The following VMP1 variants were observed in gnomAD, a reference collection of about 807,000 sequenced individuals.
VMP1 encodes vacuole membrane protein 1.
In VMP1, 11 loss-of-function variants were observed where a neutral mutation model predicts 56.0. The observed-to-expected ratio is 0.20, with a 90% CI of 0.12 to 0.32. VMP1 has a LOEUF of 0.32. Among genes scored for constraint, VMP1 ranks in the 10% least tolerant of loss-of-function variants. The pLI is 1.00. For synonymous variants in VMP1, 149 were observed against 165.0 expected (o/e 0.90, Z 0.74); for missense variants, 296 against 490.3 (o/e 0.60, Z 3.74).
At position 59,738,832 on chromosome 17, in the gene VMP1, T is replaced by C; in HGVS notation, c.304-5T>C. ...CACGGTTTTCACCTCATCCCTTTTT[T>C]TCAGTATGTGCAACGTATAGAGAAA... is the stretch of plus-strand genomic sequence containing the variant. On this transcript the variant is annotated splice_region_variant and splice_polypyrimidine_tract_variant and intron_variant, in intron 4 of 11. Transcript: ENST00000262291. The C allele has an allele frequency of 6.2e-7, 1 of 1,604,962 alleles. No homozygotes were observed. Among genetic ancestry groups the C allele is most frequent in the South Asian group, 1.1e-5 (1 of 90,062 alleles).
intron 10 of VMP1, among the ~76,000 whole-genome samples, chr17:59,823,421 A>T (rs1174975885): frequency 6.7e-6 from 1 of 148,660 alleles, no homozygotes; most frequent in Non-Finnish European, 1.5e-5. Context: ...ACTGCACTCC[A>T]GCCTGGATGA....
Position 59,824,467 on chromosome 17 carries a change from G to A in VMP1, c.974+6694G>A, listed in dbSNP as rs2144291097. The stretch of plus-strand genomic sequence containing the variant: ...GGGCGTCTATAATCCCAGCTACTCG[G>A]GAGGCTGAGACAGGAGAATCACTTG... On this transcript the variant is annotated intron_variant, in intron 10 of 11. Coordinates refer to ENST00000262291, the MANE Select transcript of VMP1 (RefSeq NM_030938.5). 2.0e-5 allele frequency among the ~76,000 whole-genome samples: 3 copies of A among 151,284 alleles called. No homozygotes were observed. The East Asian group carries it at 5.9e-4, about 30-fold the overall frequency.
intron 7 of VMP1, among the ~76,000 whole-genome samples, chr17:59,781,549 C>A (rs1256057148): frequency 6.6e-6 from 1 of 151,866 alleles, no homozygotes; most frequent in South Asian, 2.1e-4. Context: ...TTGGTGAGTG[C>A]CCTTTAGTCT....
chr17:59,809,900 A>G (rs954339515), intron 8 of VMP1, among the ~76,000 whole-genome samples: 8 of 152,088 alleles, frequency 5.3e-5, no homozygotes, highest in African/African-American at 1.9e-4. Flanking sequence ...ATGACTTCAG[A>G]CCTAAATGGC....
intron 5 of VMP1, among the ~76,000 whole-genome samples, chr17:59,755,852 T>C (rs2035822562): frequency 6.7e-6 from 1 of 150,370 alleles, no homozygotes; most frequent in Admixed American, 6.6e-5. Context: ...GGTCCTCCCA[T>C]CTCAGCCTCC....
At chr17:59,766,103 C>T (rs2036222672) in intron 6 of VMP1, among the ~76,000 whole-genome samples, 1 of 151,838 alleles carries the variant, frequency 6.6e-6, no homozygotes, top group Non-Finnish European at 1.5e-5. Context: ...TGAGACAGGG[C>T]CTTGCTCTGT....
chr17:59,790,372 A>G (rs2037182973), intron 7 of VMP1, among the ~76,000 whole-genome samples: 1 of 152,204 alleles, frequency 6.6e-6, no homozygotes, highest in South Asian at 2.1e-4. Flanking sequence ...ATGGGTCTGC[A>G]TCAATTAACT....
At chr17:59,772,985 CAG>C (rs1264859530) in intron 6 of VMP1, among the ~76,000 whole-genome samples, 1 of 62,070 alleles carries the variant, frequency 1.6e-5, no homozygotes, top group Non-Finnish European at 2.6e-5. Flanking sequence ...TTTTTTGAGA[CAG>C]AGTCTTGCTC....
At chr17:59,772,400 A>C (rs1296846625) in intron 6 of VMP1, among the ~76,000 whole-genome samples, 1 of 152,180 alleles carries the variant, frequency 6.6e-6, no homozygotes, top group African/African-American at 2.4e-5. Flanking sequence ...GTCCCTTGGG[A>C]ATTCTTTTCA....
At chr17:59,797,395 G>A (rs961103776) in intron 7 of VMP1, among the ~76,000 whole-genome samples, 2 of 150,996 alleles carry the variant, frequency 1.3e-5, no homozygotes, top group African/African-American at 4.9e-5. Flanking sequence ...GTTCAAAAGC[G>A]GAAGCAACCC....
intron 1 of VMP1, among the ~76,000 whole-genome samples, chr17:59,726,428 G>A (rs1384562659): frequency 6.6e-6 from 1 of 151,968 alleles, no homozygotes; most frequent in African/African-American, 2.4e-5. Flanking sequence ...CGAGTAGCTG[G>A]GATTACAGGC....
At chr17:59,757,813 A>G (rs1469190068) in intron 5 of VMP1, among the ~76,000 whole-genome samples, 1 of 151,258 alleles carries the variant, frequency 6.6e-6, no homozygotes, top group Non-Finnish European at 1.5e-5. Flanking sequence ...TTCGTCTAGA[A>G]TAACTATACT....
chr17:59,780,691 A>G (rs1190264979), intron 7 of VMP1, among the ~76,000 whole-genome samples: 3 of 151,340 alleles, frequency 2.0e-5, no homozygotes, highest in African/African-American at 7.3e-5. Context: ...GGTTAAAGCA[A>G]CTCTCTTGCC....
rs183196783 is a variant in VMP1, at chr17:59,834,483, G to A, written c.975-3812G>A. Among the ~76,000 whole-genome samples the A allele has an allele frequency of 4.8e-3, 728 of 151,936 alleles. 3 individuals are homozygous for A. The highest frequency in any genetic ancestry group is 3.8e-3 in the Non-Finnish European group (261 of 67,944). Reference sequence around the variant, plus strand: ...TTTTTTGGTTTTTTTATTTTGAGACGGAGTCTAGCTTAGCTGCCCAGGCTG... The same window carrying A: ...TTTTTTGGTTTTTTTATTTTGAGACAGAGTCTAGCTTAGCTGCCCAGGCTG... On this transcript the variant is annotated intron_variant, in intron 10 of 11. Transcript: ENST00000262291.
chr17:59,761,968 C>A (rs748391994), intron 5 of VMP1, among the ~76,000 whole-genome samples: 19 of 152,158 alleles, frequency 1.2e-4, no homozygotes, highest in Non-Finnish European at 1.9e-4. Flanking sequence ...GCTCTTTTGA[C>A]CATGGAATTT....
intron 9 of VMP1, among the ~76,000 whole-genome samples, chr17:59,815,576 G>A (rs960394830): frequency 3.3e-5 from 5 of 152,046 alleles, no homozygotes; most frequent in African/African-American, 7.2e-5. Flanking sequence ...CTTTCTGGCC[G>A]GGTGCGGTGG....
At chr17:59,719,027 A>G (rs2034285849) in intron 1 of VMP1, among the ~76,000 whole-genome samples, 1 of 152,084 alleles carries the variant, frequency 6.6e-6, no homozygotes, top group Non-Finnish European at 1.5e-5. Context: ...ATTTTATTTG[A>G]ATTATCTTTG....
chr17:59,716,989 T>A (rs1489392379), intron 1 of VMP1, among the ~76,000 whole-genome samples: 1 of 150,702 alleles, frequency 6.6e-6, no homozygotes, highest in African/African-American at 2.5e-5. Context: ...TTTTTTTTTA[T>A]TTTTTTTTGA....
At position 59,813,007 on chromosome 17, in the gene VMP1, A is replaced by G. The variant is rs143954357; in HGVS notation, c.912+1221A>G. Among the ~76,000 whole-genome samples the G allele has an allele frequency of 3.9e-5, 6 of 152,222 alleles. No individual in the cohort carries two copies. In the East Asian group the frequency reaches 7.7e-4, roughly 20 times the overall value. ...ATAATTACAAGTGTGTCTATCCCCA[A>G]AGTTTCTATGTTAATACCTCTCTAC... On this transcript the variant is annotated intron_variant, in intron 9 of 11. Coordinates refer to ENST00000262291, the MANE Select transcript of VMP1 (RefSeq NM_030938.5).
Sources: allele counts gnomAD v4.1 joint callset (sites outside exome capture counted in the v4.1 genomes callset), GRCh38; gene constraint gnomAD v4.1.1; transcripts MANE v1.5; gene names NCBI Gene and HGNC (gene_info 2026-07-23, HGNC 2026-07-21).